Variants in ELMO1 observed in about 807,000 individuals in gnomAD.
The protein encoded by ELMO1 is engulfment and cell motility protein 1.
A neutral mutation model predicts 98.9 loss-of-function variants in ELMO1; 26 were observed. The ratio of observed to expected loss-of-function variants is 0.26; its 90% CI spans 0.19 to 0.36. ELMO1 has a LOEUF of 0.36. ELMO1 is among the 10% of genes least tolerant of loss of function. ELMO1 has a pLI of 1.00. For missense variants in ELMO1, 627 were observed against 935.2 expected, an observed-to-expected ratio of 0.67 and a Z score of 4.30; for synonymous variants, 346 against 346.0, an observed-to-expected ratio of 1.00 and a Z score of 0.00.
intron 16 of ELMO1, among the ~76,000 whole-genome samples, chr7:37,007,617 A>C (rs1236455176): frequency 2.0e-5 from 3 of 152,180 alleles, no homozygotes; most frequent in African/African-American, 7.2e-5. Context: ...TGAATATATA[A>C]TTGTCCCCTG....
chr7:37,297,120 C>T (rs1004517560), intron 4 of ELMO1, among the ~76,000 whole-genome samples: 3 of 152,114 alleles, frequency 2.0e-5, no homozygotes, highest in Non-Finnish European at 4.4e-5. Context: ...TATATTGAGG[C>T]TCTCTCAAAA....
intron 1 of ELMO1, among the ~76,000 whole-genome samples, chr7:37,349,797 C>G (rs952011036): frequency 6.6e-6 from 1 of 152,180 alleles, no homozygotes; most frequent in Admixed American, 6.5e-5. Context: ...GTACACTGAA[C>G]CTCAGAAGGG....
chr7:37,116,414 T>C (rs1390764942), intron 14 of ELMO1, among the ~76,000 whole-genome samples: 1 of 152,074 alleles, frequency 6.6e-6, no homozygotes, highest in Non-Finnish European at 1.5e-5. Context: ...TTTGGAGAAC[T>C]GGGTTGGAGA....
intron 16 of ELMO1, among the ~76,000 whole-genome samples, chr7:36,990,163 T>G (rs1791779181): frequency 6.6e-6 from 1 of 152,156 alleles, no homozygotes; most frequent in African/African-American, 2.4e-5. Flanking sequence ...GCGGTTTTGT[T>G]ATGGAGATCC....
At chr7:37,142,312 A>G (rs1787693671) in intron 13 of ELMO1, among the ~76,000 whole-genome samples, 1 of 152,260 alleles carries the variant, frequency 6.6e-6, no homozygotes, top group South Asian at 2.1e-4. Context: ...ACTTTGATAC[A>G]TTGGATTCTC....
chr7:37,211,287 G>GC (rs763963019), intron 13 of ELMO1, 99 bp downstream of exon 13: 1 of 1,548,068 alleles, frequency 6.5e-7, no homozygotes. Flanking sequence ...TCCGTAAAGC[G>GC]CAAGAGGACC....
intron 15 of ELMO1, among the ~76,000 whole-genome samples, chr7:37,066,800 G>C (rs1797003750): frequency 6.6e-6 from 1 of 152,126 alleles, no homozygotes; most frequent in Non-Finnish European, 1.5e-5. Flanking sequence ...TATTGATAAA[G>C]AGAACATTGG....
intron 15 of ELMO1, among the ~76,000 whole-genome samples, chr7:37,031,313 G>A (rs1794869647): frequency 6.6e-6 from 1 of 151,948 alleles, no homozygotes; most frequent in Admixed American, 6.6e-5. Context: ...ATGGTTTCTG[G>A]GTCAGCTTGA....
At chr7:37,396,463 A>G (rs886807656) in intron 1 of ELMO1, among the ~76,000 whole-genome samples, 2 of 152,228 alleles carry the variant, frequency 1.3e-5, no homozygotes, top group Non-Finnish European at 2.9e-5. Flanking sequence ...GAAAAGAATG[A>G]TAAAATAAGA....
chr7:37,081,814 C>G (rs1020477721), intron 15 of ELMO1, among the ~76,000 whole-genome samples: 3 of 152,064 alleles, frequency 2.0e-5, no homozygotes, highest in Non-Finnish European at 4.4e-5. Flanking sequence ...AACTCTTGAT[C>G]TAAAACAAAA....
intron 6 of ELMO1, among the ~76,000 whole-genome samples, chr7:37,255,555 T>A (rs1297988711): frequency 6.6e-6 from 1 of 152,152 alleles, no homozygotes; most frequent in Non-Finnish European, 1.5e-5. Context: ...CCTCTGGAGG[T>A]GAGGGGCTCC....
chr7:36,868,652 T>C (rs1165089150), intron 20 of ELMO1, among the ~76,000 whole-genome samples: 2 of 152,168 alleles, frequency 1.3e-5, no homozygotes, highest in African/African-American at 4.8e-5. Context: ...CCTGCCCGCT[T>C]CTCCTTATTC....
intron 16 of ELMO1, among the ~76,000 whole-genome samples, chr7:36,924,651 C>T (rs1229829690): frequency 6.6e-6 from 1 of 152,114 alleles, no homozygotes; most frequent in Non-Finnish European, 1.5e-5. Flanking sequence ...TATTTCATGA[C>T]AAGTACAGTG....
chr7:36,855,504 A>G lies in ELMO1; in HGVS notation c.*47T>C. ...TGTGTTTTCATTCCTCTCTCCTGTT[A>G]GCTAGGTGTTCCAGTTTTGGAAGGG... On this transcript the variant is annotated 3_prime_UTR_variant, in exon 22 of 22. Coordinates refer to ENST00000310758, the MANE Select transcript of ELMO1 (RefSeq NM_014800.11). This position sits in a 1 kb window ranked among gnomAD's most constrained non-coding sequence, Gnocchi z 4.2. 6.2e-7 allele frequency: 1 copy of G among 1,609,624 alleles called. No homozygotes were observed. Among genetic ancestry groups the G allele is most frequent in the Non-Finnish European group, 8.5e-7 (1 of 1,177,076 alleles).
intron 13 of ELMO1, among the ~76,000 whole-genome samples, chr7:37,182,258 A>G (rs1790913515): frequency 6.6e-6 from 1 of 152,170 alleles, no homozygotes; most frequent in Admixed American, 6.5e-5. Flanking sequence ...ACATCGGTAG[A>G]GTTTTATACA....
intron 15 of ELMO1, among the ~76,000 whole-genome samples, chr7:37,087,925 T>C (rs1408911367): frequency 2.6e-5 from 4 of 152,114 alleles, no homozygotes; most frequent in African/African-American, 9.7e-5. Context: ...TGTAATGCCC[T>C]CCCACAGTGA....
intron 2 of ELMO1, among the ~76,000 whole-genome samples, chr7:37,328,072 T>C (rs1001486900): frequency 1.3e-5 from 2 of 152,084 alleles, no homozygotes; most frequent in Non-Finnish European, 2.9e-5. Context: ...GCAAACCATA[T>C]GAGGGATTCT....
chr7:37,055,238 A>G (rs75620102), intron 15 of ELMO1, among the ~76,000 whole-genome samples: 4,720 of 152,370 alleles, frequency 0.031, 122 homozygotes, highest in African/African-American at 0.067. Context: ...GACACTGTCC[A>G]GACTAGAAGC....
chr7:36,885,588 C>A (rs1804907329), intron 18 of ELMO1, among the ~76,000 whole-genome samples: 1 of 152,074 alleles, frequency 6.6e-6, no homozygotes, highest in Non-Finnish European at 1.5e-5. Flanking sequence ...AAGTAAAAAT[C>A]TTATAAATCA....
Sources: gnomAD v4.1 joint callset for allele counts (sites outside exome capture counted in the v4.1 genomes callset) on GRCh38, gnomAD v4.1.1 for gene constraint, Gnocchi (gnomAD v3.1) non-coding constraint, MANE v1.5 for transcripts, NCBI Gene and HGNC (gene_info 2026-07-23, HGNC 2026-07-21) for gene names.